Variants in RBFOX1 observed in about 807,000 individuals in gnomAD.
RBFOX1 encodes RNA binding protein fox-1 homolog 1.
Under a neutral mutation model 57.7 loss-of-function variants are expected in RBFOX1, and 8 were observed. The observed-to-expected ratio is 0.14, with a 90% CI of 0.08 to 0.25. The LOEUF (loss-of-function observed/expected upper bound fraction) is 0.25, where lower values mean the gene tolerates loss of function less well. Among genes scored for constraint, RBFOX1 ranks in the 10% least tolerant of loss-of-function variants. The pLI is 1.00. For synonymous variants in RBFOX1, 326 were observed against 222.4 expected (o/e 1.47, Z -4.15); for missense variants, 611 against 548.5 (o/e 1.11, Z -1.14).
intron 4 of RBFOX1, among the ~76,000 whole-genome samples, chr16:7,250,637 T>C (rs865801191): frequency 1.4e-4 from 21 of 152,194 alleles, no homozygotes; most frequent in African/African-American, 4.6e-4. Flanking sequence ...TGAGCAAGCA[T>C]TTAGAGGAGT....
chr16:6,161,839 C>G (rs2096881695), intron 1 of RBFOX1, among the ~76,000 whole-genome samples: 2 of 152,164 alleles, frequency 1.3e-5, no homozygotes, highest in Non-Finnish European at 2.9e-5. Flanking sequence ...AAGCGTCTAG[C>G]CAGCTCCCTA....
intron 4 of RBFOX1, among the ~76,000 whole-genome samples, chr16:5,939,590 C>G (rs950784563): frequency 6.6e-6 from 1 of 152,176 alleles, no homozygotes; most frequent in Admixed American, 6.5e-5. Context: ...ATCACAGTGC[C>G]TTTTATGACA....
intron 2 of RBFOX1, among the ~76,000 whole-genome samples, chr16:6,489,846 A>G (rs1335462344): frequency 1.3e-5 from 2 of 152,216 alleles, no homozygotes; most frequent in Non-Finnish European, 2.9e-5. Context: ...AAAGGGAAAC[A>G]CTAATGTACA....
intron 2 of RBFOX1, among the ~76,000 whole-genome samples, chr16:6,609,159 G>T (rs550542103): frequency 6.6e-6 from 1 of 151,970 alleles, no homozygotes; most frequent in Non-Finnish European, 1.5e-5. Context: ...TGATACATTC[G>T]CAGGCTCCAG....
chr16:7,432,425 CGTT>C (rs2149624735), intron 4 of RBFOX1, among the ~76,000 whole-genome samples: 1 of 152,300 alleles, frequency 6.6e-6, no homozygotes, highest in South Asian at 2.1e-4. Flanking sequence ...CTAATGCAAT[CGTT>C]GTGCTTACTG....
chr16:6,438,455 A>G (rs2094294619), intron 2 of RBFOX1, among the ~76,000 whole-genome samples: 1 of 152,168 alleles, frequency 6.6e-6, no homozygotes, highest in East Asian at 1.9e-4. Flanking sequence ...TCTTGGTTTC[A>G]TGGCATAGGG....
At chr16:7,241,878 A>G (rs954020508) in intron 4 of RBFOX1, among the ~76,000 whole-genome samples, 1 of 152,090 alleles carries the variant, frequency 6.6e-6, no homozygotes, top group Non-Finnish European at 1.5e-5. Context: ...GCATATAAAT[A>G]TACTTATATG....
intron 4 of RBFOX1, among the ~76,000 whole-genome samples, chr16:7,150,881 T>C (rs1033126088): frequency 6.6e-6 from 1 of 152,218 alleles, no homozygotes; most frequent in African/African-American, 2.4e-5. Flanking sequence ...ATTATAATTA[T>C]GATGGTAGTT....
chr16:7,700,325 C>T (rs147559559), intron 14 of RBFOX1, among the ~76,000 whole-genome samples: 158 of 152,170 alleles, frequency 1.0e-3, no homozygotes, highest in Non-Finnish European at 1.4e-3. Context: ...TAGCCTTGTA[C>T]GATGAGGATG....
chr16:7,465,731 G>A (rs1292537537), intron 4 of RBFOX1, among the ~76,000 whole-genome samples: 2 of 152,116 alleles, frequency 1.3e-5, no homozygotes, highest in African/African-American at 2.4e-5. Flanking sequence ...GCAGATTTGT[G>A]GGTCCCTCTT....
chr16:6,239,850 T>C (rs2097530991), intron 1 of RBFOX1, among the ~76,000 whole-genome samples: 1 of 152,196 alleles, frequency 6.6e-6, no homozygotes, highest in Non-Finnish European at 1.5e-5. Flanking sequence ...ACAGACTTTA[T>C]TGACATCATA....
chr16:6,992,689 C>T (rs148267338), intron 3 of RBFOX1, among the ~76,000 whole-genome samples: 86 of 152,168 alleles, frequency 5.7e-4, no homozygotes, highest in African/African-American at 2.0e-3. Flanking sequence ...CCACAAAGGG[C>T]TTCAGAAACC....
At chr16:5,663,503 C>A (rs1270297719) in intron 3 of RBFOX1, among the ~76,000 whole-genome samples, 1 of 152,146 alleles carries the variant, frequency 6.6e-6, no homozygotes, top group African/African-American at 2.4e-5. Context: ...CCACACCTGG[C>A]TGAAAAATCC....
intron 1 of RBFOX1, among the ~76,000 whole-genome samples, chr16:6,303,714 G>T (rs1160492455): frequency 6.6e-6 from 1 of 151,618 alleles, no homozygotes; most frequent in African/African-American, 2.4e-5. Context: ...AGTGGCTCAT[G>T]CCTGTAATCC....
At chr16:6,316,132 C>G (rs2081090682) in intron 1 of RBFOX1, among the ~76,000 whole-genome samples, 1 of 152,168 alleles carries the variant, frequency 6.6e-6, no homozygotes, top group African/African-American at 2.4e-5. Flanking sequence ...AGTCCCGTCT[C>G]TGCTACTTAA....
chr16:6,518,803 C>T (rs896513763), intron 2 of RBFOX1, among the ~76,000 whole-genome samples: 42 of 87,406 alleles, frequency 4.8e-4, no homozygotes, highest in African/African-American at 1.7e-3. Context: ...GTCTGTCTAT[C>T]TATCTATCTA....
At chr16:6,819,689 G>A (rs1051877386) in intron 3 of RBFOX1, among the ~76,000 whole-genome samples, 5 of 82,936 alleles carry the variant, frequency 6.0e-5, no homozygotes, top group Non-Finnish European at 1.1e-4. Flanking sequence ...TGGGCAACAA[G>A]AGTGAAACTC....
Position 5,250,293 on chromosome 16 carries a change from A to G in RBFOX1, c.219+10188A>G, listed in dbSNP as rs577108107. Among the ~76,000 whole-genome samples, 27 of 138,526 alleles carry G rather than the reference A, an allele frequency of 1.9e-4. 2 individuals are homozygous for G. The South Asian group carries it at 6.0e-3, about 31-fold the overall frequency. The allele number at this position is 138,526 out of a possible 152,430, so 90.9% of individuals were successfully genotyped here. A position where few individuals can be genotyped will look rare whatever the true frequency, so the allele number is the denominator to read the frequency against. On this transcript the variant is annotated intron_variant, in intron 1 of 2. Coordinates refer to the RBFOX1 transcript ENST00000585867. The stretch of plus-strand genomic sequence containing the variant: ...TTTTATTTTTTAAGTTCTGGGATAC[A>G]TGTGCAGAATGTGCAGGTTTGTTAC...
chr16:5,568,842 T>C (rs2046167369), intron 2 of RBFOX1, among the ~76,000 whole-genome samples: 1 of 152,052 alleles, frequency 6.6e-6, no homozygotes, highest in African/African-American at 2.4e-5. Flanking sequence ...ACATCGGTTC[T>C]TTTTGTTGTT....
Sources: allele counts gnomAD v4.1 joint callset (sites outside exome capture counted in the v4.1 genomes callset), GRCh38; gene constraint gnomAD v4.1.1; transcripts MANE v1.5; gene names NCBI Gene and HGNC (gene_info 2026-07-23, HGNC 2026-07-21).